The following TRIO variants were observed in gnomAD, a reference collection of about 807,000 sequenced individuals.
TRIO encodes the protein trio Rho guanine nucleotide exchange factor.
Under a neutral mutation model 351.9 loss-of-function variants are expected in TRIO, and 58 were observed. The ratio of observed to expected loss-of-function variants is 0.16; its 90% CI spans 0.13 to 0.21. The LOEUF is 0.21. Ranked by LOEUF, TRIO falls within the 10% of genes least tolerant of loss-of-function variation. The probability of loss-of-function intolerance (pLI) is 1.00; values close to 1 mark genes in which losing one functional copy is unlikely to be tolerated. For synonymous variants in TRIO, 1,758 were observed against 1,595.7 expected (o/e 1.10, Z -2.42); for missense variants, 3,201 against 4,027.8 (o/e 0.79, Z 5.56).
Position 14,304,628 on chromosome 5 carries a change from A to C in TRIO, c.1500+36A>C, listed in dbSNP as rs1329651149. 4 of 1,592,210 alleles carry C rather than the reference A, an allele frequency of 2.5e-6. No individual in the cohort carries two copies. The South Asian group carries it at 3.5e-5, about 14-fold the overall frequency. Reference sequence around the variant, plus strand: ...AGTTTTACTTACATTGCAAAGCAGCATCATTTTTGCATCATAGTACACCGG... The same window carrying C: ...AGTTTTACTTACATTGCAAAGCAGCCTCATTTTTGCATCATAGTACACCGG... On this transcript the variant is annotated intron_variant, in intron 8 of 56. Coordinates refer to ENST00000344204, the MANE Select transcript of TRIO (RefSeq NM_007118.4).
chr5:14,305,559 G>A (rs1424926062), intron 8 of TRIO, among the ~76,000 whole-genome samples: 1 of 152,204 alleles, frequency 6.6e-6, no homozygotes, highest in East Asian at 1.9e-4. Flanking sequence ...GAAGAGTGCT[G>A]GACAGTGTAG....
chr5:14,398,808 A>G, intron 29 of TRIO, 72 bp from the exon 30 acceptor site: 2 of 1,428,466 alleles, frequency 1.4e-6, no homozygotes, highest in Admixed American at 4.4e-5. Flanking sequence ...TGAAAATACT[A>G]ATAATGCTTT....
chr5:14,157,501 CTCTCCCTG>C (rs1788176377), intron 1 of TRIO, among the ~76,000 whole-genome samples: 1 of 150,804 alleles, frequency 6.6e-6, no homozygotes, highest in East Asian at 1.9e-4. Flanking sequence ...GTCTCCCTCT[CTCTCCCTG>C]TCTCCCTCTC....
Position 14,143,902 on chromosome 5 carries a change from G to GC in TRIO, c.157+23dup. On this transcript the variant is annotated intron_variant, in intron 1 of 56. Coordinates refer to ENST00000344204, the MANE Select transcript of TRIO (RefSeq NM_007118.4). ...GATCCGGTGAGTGCAACTGCGGCCG[G>GC]CCCGCCCAGCGGCGCTGCCCCAAGC... 9.4e-7 allele frequency: 1 copy of GC among 1,069,306 alleles called. No homozygotes were observed. Among genetic ancestry groups the GC allele is most frequent in the Non-Finnish European group, 1.1e-6 (1 of 884,626 alleles). 66.2% of individuals were successfully genotyped at this position (1,069,306 alleles called of 1,614,324 possible).
intron 33 of TRIO, among the ~76,000 whole-genome samples, chr5:14,409,659 C>G (rs888450798): frequency 6.6e-6 from 1 of 151,840 alleles, no homozygotes; most frequent in African/African-American, 2.4e-5. Flanking sequence ...ATGGTGAAAC[C>G]CCGTCTCTAC....
chr5:14,502,963 G>A lies in TRIO; in HGVS notation c.8411+306G>A, dbSNP rs144752036. 2.2e-3 allele frequency among the ~76,000 whole-genome samples: 338 copies of A among 152,352 alleles called. 2 individuals carry two copies. Among genetic ancestry groups the A allele is most frequent in the Middle Eastern group, 0.014 (4 of 292 alleles). On this transcript the variant is annotated intron_variant, in intron 54 of 56. Coordinates refer to ENST00000344204, the MANE Select transcript of TRIO (RefSeq NM_007118.4). Reference sequence around the variant, plus strand: ...GTGCCGTCCTTGGGAGAGTTCAGGAGTCTTTCAAACGCTTCTTGTAGTTCT... The same window carrying A: ...GTGCCGTCCTTGGGAGAGTTCAGGAATCTTTCAAACGCTTCTTGTAGTTCT...
At chr5:14,464,298 T>C (rs1754071954) in intron 36 of TRIO, among the ~76,000 whole-genome samples, 1 of 152,224 alleles carries the variant, frequency 6.6e-6, no homozygotes, top group South Asian at 2.1e-4. Context: ...CTTGTTGACT[T>C]ACTCACCCAT....
chr5:14,428,266 C>G (rs989621154), intron 34 of TRIO, among the ~76,000 whole-genome samples: 7 of 152,180 alleles, frequency 4.6e-5, no homozygotes, highest in Non-Finnish European at 8.8e-5. Context: ...ACATTTGATT[C>G]ATGCCAAATT....
intron 11 of TRIO, among the ~76,000 whole-genome samples, chr5:14,347,437 A>C (rs1742522657): frequency 6.6e-6 from 1 of 152,270 alleles, no homozygotes; most frequent in Non-Finnish European, 1.5e-5. Context: ...CCCTGGTGTC[A>C]CCGCCTGTAG....
At position 14,366,956 on chromosome 5, in the gene TRIO, G is replaced by A. The variant is rs1744651716; in HGVS notation, c.2851G>A (p.Glu951Lys). The A allele has an allele frequency of 1.2e-6, 2 of 1,614,034 alleles. No homozygotes were observed. The highest frequency in any genetic ancestry group is 1.7e-6 in the Non-Finnish European group (2 of 1,180,034). Residue 951 changes from glutamate (E) to lysine (K), a missense_variant, in exon 16 of 57, where the codon GAG (glutamate) becomes AAG (lysine). Physicochemically the swap from Glu to Lys is moderately conservative, Grantham distance 56. Around this residue, in one of 19 missense-constraint regions of TRIO, gnomAD observed 363 missense variants for 553.5 expected, o/e 0.66. Coordinates refer to ENST00000344204, the MANE Select transcript of TRIO (RefSeq NM_007118.4). ...QEAEQLQREH[E>K]QFQHAIEKTH... The stretch of plus-strand genomic sequence containing the variant: ...GGCAGAGCAGCTCCAGCGAGAGCAC[G>A]AGCAGTTCCAGCATGCCATTGAGGT...
At chr5:14,445,555 G>A (rs890867990) in intron 34 of TRIO, among the ~76,000 whole-genome samples, 4 of 152,144 alleles carry the variant, frequency 2.6e-5, no homozygotes, top group African/African-American at 7.2e-5. Flanking sequence ...TCTCAGATGC[G>A]CAGTTGAGAA....
intron 1 of TRIO, among the ~76,000 whole-genome samples, chr5:14,220,588 A>G (rs1212805477): frequency 6.6e-6 from 1 of 152,212 alleles, no homozygotes; most frequent in East Asian, 1.9e-4. Context: ...GAAGGAAATT[A>G]AAAGTGCTAC....
chr5:14,410,769 GTC>G (rs1463498388), intron 33 of TRIO, among the ~76,000 whole-genome samples: 1 of 152,198 alleles, frequency 6.6e-6, no homozygotes. Flanking sequence ...TTTAGGGAGA[GTC>G]TGAAGGAGGG....
At chr5:14,409,334 C>T (rs941022806) in intron 33 of TRIO, among the ~76,000 whole-genome samples, 5 of 141,502 alleles carry the variant, frequency 3.5e-5, no homozygotes, top group South Asian at 2.2e-4. Flanking sequence ...TTGTATCCAA[C>T]GAAAGAGGAA....
intron 10 of TRIO, among the ~76,000 whole-genome samples, chr5:14,333,584 C>T (rs141524354): frequency 1.3e-5 from 2 of 152,306 alleles, no homozygotes; most frequent in African/African-American, 4.8e-5. Flanking sequence ...ATTTAGGCCT[C>T]AAATGCTCAT....
At chr5:14,173,763 T>C (rs1439712531) in intron 1 of TRIO, among the ~76,000 whole-genome samples, 1 of 152,246 alleles carries the variant, frequency 6.6e-6, no homozygotes, top group East Asian at 1.9e-4. Flanking sequence ...TTTGGTTTTC[T>C]ATGTTTGCTT....
Position 14,359,339 on chromosome 5 carries a change from C to T in TRIO, c.2217-18C>T, listed in dbSNP as rs1743918146. On this transcript the variant is annotated intron_variant, in intron 12 of 56. Coordinates refer to ENST00000344204, the MANE Select transcript of TRIO (RefSeq NM_007118.4). ...TGACTTTCTCATCCAATTCCTGTTC[C>T]TCTGTGTGCTCTCGCAGGGACTCTG... 6.2e-7 allele frequency: 1 copy of T among 1,601,306 alleles called. No homozygotes were observed.
chr5:14,295,677 A>G (rs1053152497), intron 6 of TRIO, among the ~76,000 whole-genome samples: 1 of 152,214 alleles, frequency 6.6e-6, no homozygotes, highest in African/African-American at 2.4e-5. Context: ...TTGTCACTTT[A>G]CTAGGAGGGA....
At chr5:14,490,804 G>GCAGCT (rs1189840951) in intron 48 of TRIO, 1 of 456,072 alleles carries the variant, frequency 2.2e-6, no homozygotes, top group South Asian at 1.5e-5. Flanking sequence ...ATTACCAAAA[G>GCAGCT]CAGCTGTGCT....
Sources: gnomAD v4.1 joint callset for allele counts (sites outside exome capture counted in the v4.1 genomes callset) on GRCh38, gnomAD v4.1.1 for gene constraint, gnomAD v4.1.1 regional missense constraint, MANE v1.5 for transcripts, NCBI Gene and HGNC (gene_info 2026-07-23, HGNC 2026-07-21) for gene names.